The following WDR7 variants were observed in gnomAD, a reference collection of about 807,000 sequenced individuals.
WDR7 encodes the protein WD repeat domain 7, also known as WD repeat-containing protein 7.
In WDR7, 46 loss-of-function variants were observed where a neutral mutation model predicts 169.4. The ratio of observed to expected loss-of-function variants is 0.27; its 90% CI spans 0.21 to 0.35. WDR7 has a LOEUF of 0.35. WDR7 is among the 10% of genes least tolerant of loss of function. WDR7 has a pLI of 1.00. For missense variants in WDR7, 1,534 were observed against 1,859.3 expected (o/e 0.83, Z 3.22); for synonymous variants, 612 against 666.8 (o/e 0.92, Z 1.27).
At chr18:56,674,151 G>A (rs917991747) in intron 2 of WDR7, among the ~76,000 whole-genome samples, 1 of 152,138 alleles carries the variant, frequency 6.6e-6, no homozygotes, top group Non-Finnish European at 1.5e-5. Context: ...ACCCGAGCGT[G>A]GAATTGTGGG....
At chr18:56,932,120 T>C (rs1450125067) in intron 22 of WDR7, among the ~76,000 whole-genome samples, 1 of 152,126 alleles carries the variant, frequency 6.6e-6, no homozygotes, top group Non-Finnish European at 1.5e-5. Context: ...ACCATCTCTC[T>C]ACCCTCACAC....
chr18:56,678,562 T>C (rs2025290988), intron 2 of WDR7, among the ~76,000 whole-genome samples: 1 of 152,076 alleles, frequency 6.6e-6, no homozygotes, highest in East Asian at 1.9e-4. Context: ...AGTGGAGCGA[T>C]CTCGGCTCAC....
intron 26 of WDR7, among the ~76,000 whole-genome samples, chr18:56,967,314 T>C (rs1178695945): frequency 6.6e-6 from 1 of 152,084 alleles, no homozygotes; most frequent in Non-Finnish European, 1.5e-5. Context: ...TGCAATTCAG[T>C]AGTTAAGGTC....
intron 19 of WDR7, among the ~76,000 whole-genome samples, chr18:56,794,775 T>C (rs28478144): frequency 0.026 from 4,016 of 152,306 alleles, 73 homozygotes; most frequent in African/African-American, 0.051. Context: ...AAATAAAAGT[T>C]CATATATAAC....
intron 20 of WDR7, among the ~76,000 whole-genome samples, chr18:56,868,803 A>T (rs2045915102): frequency 6.6e-6 from 1 of 152,174 alleles, no homozygotes; most frequent in Non-Finnish European, 1.5e-5. Flanking sequence ...CATGTGTATC[A>T]GATTCACCTT....
At chr18:56,874,009 A>G (rs141981972) in intron 20 of WDR7, 2 of 152,324 alleles carry the variant, frequency 1.3e-5, no homozygotes, top group Admixed American at 6.5e-5. Context: ...CCTTTGAACT[A>G]TTGTTATGGA....
chr18:56,792,793 G>C (rs28579510), intron 19 of WDR7, among the ~76,000 whole-genome samples: 2,134 of 141,482 alleles, frequency 0.015, 48 homozygotes, highest in African/African-American at 0.053. Context: ...CACACACACA[G>C]ACACACATGC....
At chr18:56,967,817 C>A (rs751877574) in intron 26 of WDR7, among the ~76,000 whole-genome samples, 1 of 152,116 alleles carries the variant, frequency 6.6e-6, no homozygotes, top group Non-Finnish European at 1.5e-5. Context: ...TTAACAAAAG[C>A]ACCTCCTCTC....
chr18:57,013,273 C>T (rs11874942), intron 26 of WDR7, among the ~76,000 whole-genome samples: 38,016 of 152,114 alleles, frequency 0.25, 5,251 homozygotes, highest in Non-Finnish European at 0.32. Context: ...TTACCTGTCA[C>T]CCACCCTCCT....
At chr18:57,026,686 A>G (rs955856174) in intron 27 of WDR7, among the ~76,000 whole-genome samples, 6 of 152,200 alleles carry the variant, frequency 3.9e-5, no homozygotes, top group South Asian at 4.1e-4. Flanking sequence ...AATATCCACA[A>G]TTTCCAAATA....
chr18:56,719,579 A>AG (rs2026274707), intron 13 of WDR7, among the ~76,000 whole-genome samples: 1 of 146,752 alleles, frequency 6.8e-6, no homozygotes, highest in African/African-American at 2.5e-5. Context: ...AAAAAAAAAA[A>AG]CAGAATTGCT....
intron 25 of WDR7, among the ~76,000 whole-genome samples, chr18:56,954,540 G>A (rs2047225220): frequency 6.6e-6 from 1 of 152,014 alleles, no homozygotes. Context: ...ACCTATACAG[G>A]TATATATATG....
At chr18:56,954,643 C>T (rs891505747) in intron 25 of WDR7, among the ~76,000 whole-genome samples, 6 of 152,084 alleles carry the variant, frequency 3.9e-5, no homozygotes, top group African/African-American at 1.4e-4. Flanking sequence ...GTTACGTTCA[C>T]TTCTTAACTG....
chr18:56,883,428 G>A (rs1395953411), intron 21 of WDR7, among the ~76,000 whole-genome samples: 2 of 149,966 alleles, frequency 1.3e-5, no homozygotes, highest in Non-Finnish European at 3.0e-5. Flanking sequence ...TCTTTTAACT[G>A]TAATAATTTT....
At chr18:57,011,220 A>G (rs1236651649) in intron 26 of WDR7, among the ~76,000 whole-genome samples, 1 of 152,268 alleles carries the variant, frequency 6.6e-6, no homozygotes, top group African/African-American at 2.4e-5. Flanking sequence ...CAGAAGAAAT[A>G]TTGAAAACTA....
intron 26 of WDR7, among the ~76,000 whole-genome samples, chr18:56,997,960 C>A (rs1431052205): frequency 6.6e-6 from 1 of 152,082 alleles, no homozygotes. Context: ...ATTAGATAAG[C>A]CATTTTTCTT....
At chr18:56,683,349 A>T (rs1376295859) in intron 5 of WDR7, among the ~76,000 whole-genome samples, 1 of 152,198 alleles carries the variant, frequency 6.6e-6, no homozygotes, top group Admixed American at 6.5e-5. Flanking sequence ...TCTTTTCTTC[A>T]TTTTTGTTGA....
intron 7 of WDR7, among the ~76,000 whole-genome samples, chr18:56,688,506 C>T (rs1171898854): frequency 2.0e-5 from 3 of 148,992 alleles, no homozygotes; most frequent in African/African-American, 2.5e-5. Context: ...ATCACAAGGT[C>T]AGGAGTTCGA....
chr18:57,002,331 A>G (rs2047994492), intron 26 of WDR7, among the ~76,000 whole-genome samples: 1 of 152,196 alleles, frequency 6.6e-6, no homozygotes, highest in East Asian at 1.9e-4. Flanking sequence ...GTACAAATAA[A>G]TTATCTAAAT....
Sources: allele counts gnomAD v4.1 joint callset (sites outside exome capture counted in the v4.1 genomes callset), GRCh38; gene constraint gnomAD v4.1.1; transcripts MANE v1.5; gene names NCBI Gene and HGNC (gene_info 2026-07-23, HGNC 2026-07-21).